Variants in FIGN observed in about 807,000 individuals in gnomAD.
FIGN encodes fidgetin, microtubule severing factor, also known as fidgetin.
FIGN carries 11 observed loss-of-function variants against 51.3 expected under a neutral mutation model. That is an observed-to-expected ratio of 0.21 (90% CI 0.13 to 0.35). The LOEUF is 0.35. Among genes scored for constraint, FIGN ranks in the 10% least tolerant of loss-of-function variants. The pLI is 1.00. For synonymous variants in FIGN, 407 were observed against 363.2 expected, an observed-to-expected ratio of 1.12 and a Z score of -1.37; for missense variants, 857 against 943.6, an observed-to-expected ratio of 0.91 and a Z score of 1.20.
intron 2 of FIGN, among the ~76,000 whole-genome samples, chr2:163,726,619 C>A (rs1230965994): frequency 6.6e-6 from 1 of 151,918 alleles, no homozygotes; most frequent in Non-Finnish European, 1.5e-5. Flanking sequence ...CCCCGTTAAC[C>A]TAAATACTCA....
At chr2:163,658,364 GCTCTCTCTCTCTCTCTCTCTCT>G (rs55894952) in intron 2 of FIGN, among the ~76,000 whole-genome samples, 5,044 of 137,686 alleles carry the variant, frequency 0.037, 375 homozygotes, top group East Asian at 0.33. Flanking sequence ...TTAAGAAACA[GCTCTCTCTCTCTCTCTCTCTCT>G]CTCTCTCTCT....
chr2:163,640,854 T>A (rs1355815958), intron 2 of FIGN, among the ~76,000 whole-genome samples: 1 of 152,184 alleles, frequency 6.6e-6, no homozygotes, highest in African/African-American at 2.4e-5. Flanking sequence ...TACCTATGAA[T>A]CCTGGCCCTT....
At chr2:163,639,842 T>C (rs1683280471) in intron 2 of FIGN, among the ~76,000 whole-genome samples, 1 of 152,206 alleles carries the variant, frequency 6.6e-6, no homozygotes, top group Non-Finnish European at 1.5e-5. Flanking sequence ...TTTCCAAGTA[T>C]TTTATTGCTG....
At chr2:163,647,438 C>T (rs892649279) in intron 2 of FIGN, among the ~76,000 whole-genome samples, 2 of 152,128 alleles carry the variant, frequency 1.3e-5, no homozygotes, top group African/African-American at 4.8e-5. Context: ...GGGAAAATAT[C>T]ACTTCTCATC....
chr2:163,711,223 G>A (rs999991111), intron 2 of FIGN, among the ~76,000 whole-genome samples: 1 of 152,062 alleles, frequency 6.6e-6, no homozygotes, highest in Non-Finnish European at 1.5e-5. Context: ...GTTTCATGTT[G>A]CATCAAAGTA....
chr2:163,623,280 T>A lies in FIGN; in HGVS notation c.26-11474A>T, dbSNP rs1196448163. On this transcript the variant is annotated intron_variant, in intron 2 of 2. Transcript: ENST00000333129. Reference sequence around the variant, plus strand: ...ATTATTTAACTAACTTATGCACATATTTTTATCAAAACTAAGTATTATTTG... The same window carrying A: ...ATTATTTAACTAACTTATGCACATAATTTTATCAAAACTAAGTATTATTTG... Among the ~76,000 whole-genome samples the A allele has an allele frequency of 3.3e-5, 5 of 152,172 alleles. No homozygotes were observed. The East Asian group carries it at 9.6e-4, about 29-fold the overall frequency.
chr2:163,724,484 T>C (rs2105365105), intron 2 of FIGN, among the ~76,000 whole-genome samples: 1 of 152,006 alleles, frequency 6.6e-6, no homozygotes, highest in East Asian at 1.9e-4. Flanking sequence ...ACTGATCTGG[T>C]GTAGGGCTTA....
At chr2:163,706,494 T>C (rs1452047457) in intron 2 of FIGN, among the ~76,000 whole-genome samples, 1 of 152,140 alleles carries the variant, frequency 6.6e-6, no homozygotes, top group Non-Finnish European at 1.5e-5. Context: ...TTAATAATAT[T>C]AATATATCAT....
chr2:163,687,840 T>C (rs1439276661), intron 2 of FIGN, among the ~76,000 whole-genome samples: 1 of 152,202 alleles, frequency 6.6e-6, no homozygotes, highest in African/African-American at 2.4e-5. Flanking sequence ...AAATCAAGAA[T>C]GAATGTCCTC....
chr2:163,714,040 G>C (rs1223191663), intron 2 of FIGN, among the ~76,000 whole-genome samples: 2 of 152,122 alleles, frequency 1.3e-5, no homozygotes, highest in Non-Finnish European at 2.9e-5. Context: ...AGCGGCTCAC[G>C]GGGTCCACAG....
rs201646150 is a variant in FIGN at position 163,696,430 on chromosome 2, C to CT, written c.25+38472dup. On this transcript the variant is annotated intron_variant, in intron 2 of 2. Transcript: ENST00000333129. The stretch of plus-strand genomic sequence containing the variant: ...TGTTTTCCCACCTCACAATCGTTTA[C>CT]TTATCACTTAAGGCCCAACTTTAAT... 4.7e-3 allele frequency among the ~76,000 whole-genome samples: 715 copies of CT among 152,262 alleles called. 3 individuals are homozygous for CT. Among genetic ancestry groups the CT allele is most frequent in the Middle Eastern group, 0.024 (7 of 294 alleles).
At chr2:163,710,089 C>A (rs766273359) in intron 2 of FIGN, among the ~76,000 whole-genome samples, 4 of 152,168 alleles carry the variant, frequency 2.6e-5, no homozygotes, top group Non-Finnish European at 1.5e-5. Flanking sequence ...GTGCCTTCTA[C>A]ACAAATGTTA....
At chr2:163,699,229 A>G (rs1684369204) in intron 2 of FIGN, among the ~76,000 whole-genome samples, 1 of 152,188 alleles carries the variant, frequency 6.6e-6, no homozygotes, top group Admixed American at 6.6e-5. Flanking sequence ...AGAACAGAGA[A>G]AGGCAGGTAT....
intron 2 of FIGN, among the ~76,000 whole-genome samples, chr2:163,636,035 A>G (rs2105313557): frequency 6.6e-6 from 1 of 152,316 alleles, no homozygotes; most frequent in Non-Finnish European, 1.5e-5. Flanking sequence ...CAAGAAATCT[A>G]AAGAGAGTAG....
At chr2:163,675,952 G>GT (rs1683956125) in intron 2 of FIGN, among the ~76,000 whole-genome samples, 1 of 150,886 alleles carries the variant, frequency 6.6e-6, no homozygotes, top group East Asian at 1.9e-4. Flanking sequence ...GGAGGGAGGG[G>GT]TGGGGTGTTT....
rs762958449 is a variant in FIGN at position 163,611,480 on chromosome 2, C to T, written c.352G>A (p.Val118Ile). The change falls in exon 3 of 3, where the codon GTT becomes ATT. Residue 118 changes from valine (V) to isoleucine (I), a missense_variant. Physicochemically the swap from Val to Ile is conservative, Grantham distance 29. Transcript: ENST00000333129. The stretch of plus-strand genomic sequence containing the variant: ...TCCGGAACACAGTTCATGGGATAAA[C>T]AGCTTCTGAATTCAAGGAAGGCTGC... ...PWQPSLNSEA[V>I]YPMNCVPDVI... The T allele has an allele frequency of 6.2e-7, 1 of 1,614,200 alleles. No homozygotes were observed. The highest frequency in any genetic ancestry group is 1.1e-5 in the South Asian group (1 of 91,086).
At chr2:163,689,747 G>T (rs1684210114) in intron 2 of FIGN, among the ~76,000 whole-genome samples, 2 of 152,102 alleles carry the variant, frequency 1.3e-5, no homozygotes, top group African/African-American at 4.8e-5. Context: ...TCAAGATTAT[G>T]TCTGTCAGAT....
At chr2:163,679,233 C>A (rs968286889) in intron 2 of FIGN, among the ~76,000 whole-genome samples, 1 of 151,956 alleles carries the variant, frequency 6.6e-6, no homozygotes, top group East Asian at 1.9e-4. Flanking sequence ...GCGACTCACA[C>A]CTGTAATCCC....
At chr2:163,663,814 G>A (rs540907758) in intron 2 of FIGN, among the ~76,000 whole-genome samples, 31 of 147,926 alleles carry the variant, frequency 2.1e-4, no homozygotes, top group East Asian at 1.7e-3. Flanking sequence ...CCCGGGAGGC[G>A]GAGGTTGCAG....
Sources: gnomAD v4.1 joint callset for allele counts (sites outside exome capture counted in the v4.1 genomes callset) on GRCh38, gnomAD v4.1.1 for gene constraint, MANE v1.5 for transcripts, NCBI Gene and HGNC (gene_info 2026-07-23, HGNC 2026-07-21) for gene names.